Variants in GALNT13 observed in about 807,000 individuals in gnomAD.
GALNT13 encodes the protein UDP-GalNAc:polypeptide N-acetylgalactosaminyltransferase 13.
In GALNT13, 28 loss-of-function variants were observed where a neutral mutation model predicts 64.2. That is an observed-to-expected ratio of 0.44 (90% confidence interval 0.32 to 0.60). The LOEUF (loss-of-function observed/expected upper bound fraction) is 0.60. GALNT13 is among the 20% of genes least tolerant of loss of function. The pLI is 0.05. For synonymous variants in GALNT13, 214 were observed against 224.6 expected, an observed-to-expected ratio of 0.95 and a Z score of 0.42; for missense variants, 577 against 669.8, an observed-to-expected ratio of 0.86 and a Z score of 1.53.
intron 3 of GALNT13, among the ~76,000 whole-genome samples, chr2:154,071,944 T>C (rs1431617590): frequency 6.6e-6 from 1 of 152,066 alleles, no homozygotes; most frequent in Non-Finnish European, 1.5e-5. Context: ...TGAGAAAATA[T>C]GAGTGTTAGA....
the GALNT13 span, among the ~76,000 whole-genome samples, chr2:153,440,140 C>G: frequency 6.6e-6 from 1 of 151,928 alleles, no homozygotes; most frequent in Non-Finnish European, 1.5e-5. Flanking sequence ...GTAATGTTCC[C>G]CTCCCTGTGT....
intron 8 of GALNT13, among the ~76,000 whole-genome samples, chr2:154,283,073 A>T (rs1692051640): frequency 6.6e-6 from 1 of 152,164 alleles, no homozygotes; most frequent in Non-Finnish European, 1.5e-5. Flanking sequence ...GTGTTTGTGC[A>T]TGCCAGTTTA....
chr2:153,362,785 T>G, the GALNT13 span, among the ~76,000 whole-genome samples: 1 of 152,066 alleles, frequency 6.6e-6, no homozygotes, highest in Non-Finnish European at 1.5e-5. Context: ...ACAATAATAG[T>G]GGGAGACTTT....
intron 4 of GALNT13, among the ~76,000 whole-genome samples, chr2:154,212,082 A>G (rs1049742017): frequency 1.3e-5 from 2 of 152,188 alleles, no homozygotes; most frequent in Non-Finnish European, 2.9e-5. Flanking sequence ...CTTTACTAGC[A>G]TATTAAGTTG....
the GALNT13 span, among the ~76,000 whole-genome samples, chr2:153,494,465 G>T: frequency 1.3e-5 from 2 of 152,014 alleles, no homozygotes; most frequent in African/African-American, 4.8e-5. Context: ...ATACATATAT[G>T]ACCAATTGAT....
At chr2:153,240,689 A>G in the GALNT13 span, among the ~76,000 whole-genome samples, 5 of 152,182 alleles carry the variant, frequency 3.3e-5, no homozygotes, top group African/African-American at 4.8e-5. Context: ...ATGTAACTGC[A>G]GCCCTATCAC....
chr2:153,085,299 G>T, the GALNT13 span, among the ~76,000 whole-genome samples: 65 of 152,230 alleles, frequency 4.3e-4, 3 homozygotes, highest in East Asian at 1.9e-4. Flanking sequence ...GCCTGCTGCA[G>T]AAATTTGCAT....
At chr2:153,845,709 A>T in the GALNT13 span, among the ~76,000 whole-genome samples, 1 of 152,246 alleles carries the variant, frequency 6.6e-6, no homozygotes, top group African/African-American at 2.4e-5. Flanking sequence ...TTGAAGACAT[A>T]ATGATAAATA....
At chr2:153,170,016 A>G in the GALNT13 span, among the ~76,000 whole-genome samples, 3 of 152,230 alleles carry the variant, frequency 2.0e-5, no homozygotes, top group African/African-American at 7.2e-5. Context: ...AGTAAAGCCA[A>G]TTTAATTAGT....
the GALNT13 span, among the ~76,000 whole-genome samples, chr2:153,143,210 A>G: frequency 1.3e-5 from 2 of 151,960 alleles, no homozygotes; most frequent in Non-Finnish European, 2.9e-5. Flanking sequence ...CATTAACGAT[A>G]TGTCAAGCAT....
At chr2:153,718,449 T>G in the GALNT13 span, among the ~76,000 whole-genome samples, 1 of 152,124 alleles carries the variant, frequency 6.6e-6, no homozygotes, top group African/African-American at 2.4e-5. Flanking sequence ...TTGTTTTGTT[T>G]TGTTTTTAAT....
chr2:153,534,796 A>G, the GALNT13 span, among the ~76,000 whole-genome samples: 1 of 152,134 alleles, frequency 6.6e-6, no homozygotes, highest in Non-Finnish European at 1.5e-5. Flanking sequence ...AGGACCGGCC[A>G]TTTACACTTC....
chr2:153,076,676 AT>A, the GALNT13 span, among the ~76,000 whole-genome samples: 56,357 of 151,018 alleles, frequency 0.37, 12,832 homozygotes, highest in East Asian at 0.6. Flanking sequence ...AATGGATTGT[AT>A]TTAAATGTTC....
the GALNT13 span, among the ~76,000 whole-genome samples, chr2:153,498,921 C>T: frequency 6.6e-6 from 1 of 152,044 alleles, no homozygotes; most frequent in Admixed American, 6.5e-5. Context: ...GATCTCCGCT[C>T]ACTGCAAGCT....
the GALNT13 span, among the ~76,000 whole-genome samples, chr2:153,253,091 C>T: frequency 1.6e-3 from 249 of 151,914 alleles, 2 homozygotes; most frequent in African/African-American, 5.7e-3. Context: ...ATTGATTCTT[C>T]CTACCCATGA....
chr2:154,078,314 T>C (rs1356413410), intron 3 of GALNT13, among the ~76,000 whole-genome samples: 2 of 151,568 alleles, frequency 1.3e-5, no homozygotes. Context: ...TTATACTTAA[T>C]ACATTGAATT....
chr2:153,301,323 A>AAAAAAAAAAAAAAAAAAAAAAAGAAG, the GALNT13 span, among the ~76,000 whole-genome samples: 1 of 149,856 alleles, frequency 6.7e-6, no homozygotes, highest in African/African-American at 2.5e-5. Context: ...AAAAAAGAAA[A>AAAAAAAAAAAAAAAAAAAAAAAGAAG]AAAAAAAGAG....
In GALNT13 at chr2:154,222,571, G is replaced by A. The variant is rs115120142; in HGVS notation, c.312-19459G>A. Among the ~76,000 whole-genome samples, 841 of 152,240 alleles carry A rather than the reference G, an allele frequency of 5.5e-3. 5 individuals are homozygous for A. The highest frequency in any genetic ancestry group is 0.014 in the Middle Eastern group (4 of 294). On this transcript the variant is annotated intron_variant, in intron 4 of 12. Transcript: ENST00000392825. ...ATTTGTTTCATAAAAGGTGAACTGT[G>A]TAGAACCTTTGCATTTTATGGGTAC...
chr2:154,315,940 T>G (rs928167390), intron 9 of GALNT13, among the ~76,000 whole-genome samples: 4 of 152,006 alleles, frequency 2.6e-5, no homozygotes, highest in Non-Finnish European at 5.9e-5. Context: ...ATACAAAAAT[T>G]AGCTGGGCGT....
Sources: gnomAD v4.1 joint callset for allele counts (sites outside exome capture counted in the v4.1 genomes callset) on GRCh38, gnomAD v4.1.1 for gene constraint, MANE v1.5 for transcripts, NCBI Gene and HGNC (gene_info 2026-07-23, HGNC 2026-07-21) for gene names.